Variants in PSMD1 observed in about 807,000 individuals in gnomAD.
PSMD1 encodes the protein proteasome 26S subunit, non-ATPase 1.
Under a neutral mutation model 119.0 loss-of-function variants are expected in PSMD1, and 18 were observed. The ratio of observed to expected loss-of-function variants is 0.15; its 90% CI spans 0.10 to 0.22. The LOEUF (loss-of-function observed/expected upper bound fraction) is 0.22, where lower values mean the gene tolerates loss of function less well. Among genes scored for constraint, PSMD1 ranks in the 10% least tolerant of loss-of-function variants. The pLI is 1.00. For missense variants in PSMD1, 702 were observed against 1,158.5 expected, an observed-to-expected ratio of 0.61 and a Z score of 5.72; for synonymous variants, 374 against 396.6, an observed-to-expected ratio of 0.94 and a Z score of 0.68.
intron 12 of PSMD1, among the ~76,000 whole-genome samples, chr2:231,081,534 T>G (rs543244802): frequency 3.3e-5 from 5 of 152,268 alleles, no homozygotes; most frequent in African/African-American, 1.2e-4. Context: ...ACTTGAAACA[T>G]TTTTGGCCAT....
chr2:231,145,321 T>C (rs913982197), intron 17 of PSMD1, among the ~76,000 whole-genome samples: 2 of 152,112 alleles, frequency 1.3e-5, no homozygotes, highest in African/African-American at 4.8e-5. Context: ...ATGGTAAAAA[T>C]ACAGTATAAA....
intron 16 of PSMD1, among the ~76,000 whole-genome samples, chr2:231,118,408 C>T (rs1353788022): frequency 2.0e-5 from 3 of 151,976 alleles, no homozygotes; most frequent in African/African-American, 4.8e-5. Flanking sequence ...CTGTACTTTC[C>T]GGGGGTGAGG....
intron 17 of PSMD1, among the ~76,000 whole-genome samples, chr2:231,139,624 C>T (rs1574764555): frequency 6.8e-6 from 1 of 147,016 alleles, no homozygotes; most frequent in African/African-American, 2.5e-5. Context: ...TGTTAAATAA[C>T]TACTCAGGTT....
At chr2:231,153,356 A>G in intron 18 of PSMD1, 1 of 525,870 alleles carries the variant, frequency 1.9e-6, no homozygotes, top group Non-Finnish European at 3.3e-6. Context: ...GATTCAAGAC[A>G]GAGCTGGTGC....
chr2:231,100,380 C>T (rs77146511), intron 16 of PSMD1, among the ~76,000 whole-genome samples: 12,470 of 152,120 alleles, frequency 0.082, 649 homozygotes, highest in South Asian at 0.21. Flanking sequence ...AAGGGTTAGA[C>T]GCACAGGCTA....
At chr2:231,169,429 C>T (rs1215216719) in intron 23 of PSMD1, among the ~76,000 whole-genome samples, 2 of 152,012 alleles carry the variant, frequency 1.3e-5, no homozygotes, top group Non-Finnish European at 2.9e-5. Flanking sequence ...AGGGCAGGGT[C>T]CATTCATAAA....
intron 21 of PSMD1, among the ~76,000 whole-genome samples, chr2:231,163,986 A>G (rs76409044): frequency 0.024 from 3,650 of 152,246 alleles, 146 homozygotes; most frequent in African/African-American, 0.084. Context: ...GAATAAAATT[A>G]TTCTCTACAT....
chr2:231,088,518 G>T (rs998253819), intron 16 of PSMD1, among the ~76,000 whole-genome samples: 3 of 152,138 alleles, frequency 2.0e-5, no homozygotes, highest in African/African-American at 7.2e-5. Context: ...CAATATTCCA[G>T]ACTTTTTCGT....
chr2:231,085,117 A>G lies in PSMD1; in HGVS notation c.1818+3A>G. ...TTCGACGCCTGCTACATGTTGCTGT[A>G]AGTACTCTGACCTTTCTTGGGAATG... On this transcript the variant is annotated splice_donor_region_variant and intron_variant, in intron 15 of 24. Transcript: ENST00000308696. 6.2e-7 allele frequency: 1 copy of G among 1,610,998 alleles called. No homozygotes were observed. Among genetic ancestry groups the G allele is most frequent in the South Asian group, 1.1e-5 (1 of 91,032 alleles).
At chr2:231,106,218 G>A (rs1694970525) in intron 16 of PSMD1, among the ~76,000 whole-genome samples, 1 of 152,018 alleles carries the variant, frequency 6.6e-6, no homozygotes. Context: ...TTGTGGCTTG[G>A]TTGTACTTTT....
At chr2:231,090,835 A>G (rs529491532) in intron 16 of PSMD1, among the ~76,000 whole-genome samples, 146 of 152,354 alleles carry the variant, frequency 9.6e-4, no homozygotes, top group Non-Finnish European at 1.7e-3. Flanking sequence ...CTAGAACTAG[A>G]AATGGAGTCT....
chr2:231,134,726 C>T (rs1190680130), intron 16 of PSMD1, among the ~76,000 whole-genome samples: 1 of 152,206 alleles, frequency 6.6e-6, no homozygotes, highest in African/African-American at 2.4e-5. Context: ...CCTCTGCTAT[C>T]AGAATTGTGC....
chr2:231,101,150 T>C (rs1357016566), intron 16 of PSMD1, among the ~76,000 whole-genome samples: 1 of 152,214 alleles, frequency 6.6e-6, no homozygotes, highest in African/African-American at 2.4e-5. Context: ...AAACACAATT[T>C]GTGGGTAATT....
chr2:231,076,370 AGTTTATAAGATC>A (rs1311790052), intron 8 of PSMD1, among the ~76,000 whole-genome samples: 4 of 152,162 alleles, frequency 2.6e-5, no homozygotes, highest in Non-Finnish European at 1.5e-5. Context: ...GTGGCATGGT[AGTTTATAAGATC>A]AAGGCTGGGC....
intron 16 of PSMD1, chr2:231,123,740 C>T: frequency 1.9e-6 from 3 of 1,613,896 alleles, no homozygotes; most frequent in Non-Finnish European, 2.5e-6. Flanking sequence ...CTTTGAAGTT[C>T]AGACACTCTG....
intron 23 of PSMD1, among the ~76,000 whole-genome samples, chr2:231,169,716 C>T (rs546766114): frequency 6.6e-6 from 1 of 152,256 alleles, no homozygotes; most frequent in East Asian, 1.9e-4. Context: ...ATGTGCCCTG[C>T]CACTGTTGAC....
chr2:231,087,023 A>T, intron 15 of PSMD1, 94 bp from the exon 16 acceptor site: 2 of 929,292 alleles, frequency 2.2e-6, no homozygotes, highest in Admixed American at 3.6e-5. Flanking sequence ...GTAGTGAGGT[A>T]TACACTCACT....
At chr2:231,083,036 T>G in intron 13 of PSMD1, 42 bp downstream of exon 13, 1 of 1,410,164 alleles carries the variant, frequency 7.1e-7, no homozygotes. Context: ...AAGTATTAAT[T>G]AATGTAAATG....
rs545975943 is a variant in PSMD1 at position 231,109,935 on chromosome 2, G to A, written c.1883+22754G>A. Reference sequence around the variant, plus strand: ...AATCCTTTCCATCTAACTTCTTAGGGAAAACTAAAGTTCATTAAAAAGTGC... The same window carrying A: ...AATCCTTTCCATCTAACTTCTTAGGAAAAACTAAAGTTCATTAAAAAGTGC... On this transcript the variant is annotated intron_variant, in intron 16 of 24. Transcript: ENST00000308696. Among the ~76,000 whole-genome samples the A allele has an allele frequency of 2.7e-3, 411 of 152,192 alleles. 1 individual carries two copies. Among genetic ancestry groups the A allele is most frequent in the Middle Eastern group, 6.8e-3 (2 of 294 alleles).
Sources: gnomAD v4.1 joint callset for allele counts (sites outside exome capture counted in the v4.1 genomes callset) on GRCh38, gnomAD v4.1.1 for gene constraint, MANE v1.5 for transcripts, NCBI Gene and HGNC (gene_info 2026-07-23, HGNC 2026-07-21) for gene names.